The following DST variants were observed in gnomAD, a reference collection of about 807,000 sequenced individuals.
DST encodes dystonin.
DST carries 253 observed loss-of-function variants against 875.2 expected under a neutral mutation model. That is an observed-to-expected ratio of 0.29 (90% CI 0.26 to 0.32). The LOEUF (loss-of-function observed/expected upper bound fraction) is 0.32, where lower values mean the gene tolerates loss of function less well. DST is among the 10% of genes least tolerant of loss of function. The pLI is 1.00. For synonymous variants in DST, 3,124 were observed against 3,197.1 expected (o/e 0.98, Z 0.77); for missense variants, 8,287 against 9,111.6 (o/e 0.91, Z 3.68).
intron 9 of DST, among the ~76,000 whole-genome samples, chr6:56,690,595 TAAGTCC>T (rs1203781423): frequency 3.3e-5 from 5 of 152,284 alleles, no homozygotes; most frequent in Non-Finnish European, 7.4e-5. Context: ...ACTCAAAAGT[TAAGTCC>T]AACCCTACAT....
chr6:56,939,887 G>T (rs1353609168), intron 2 of DST, among the ~76,000 whole-genome samples: 2 of 151,968 alleles, frequency 1.3e-5, no homozygotes, highest in Non-Finnish European at 2.9e-5. Flanking sequence ...TTAGCCAGGT[G>T]TGGTGGCGGG....
Position 56,530,078 on chromosome 6 carries a change from C to G in DST, c.17164G>C (p.Glu5722Gln). The G allele has an allele frequency of 1.2e-6, 2 of 1,612,164 alleles. No homozygotes were observed. Among genetic ancestry groups the G allele is most frequent in the Non-Finnish European group, 1.7e-6 (2 of 1,179,238 alleles). The change falls in exon 65 of 104, where the codon GAA becomes CAA. Residue 5722 changes from glutamate to glutamine, a missense_variant. Physicochemically the swap from Glu to Gln is conservative, Grantham distance 29. Around this residue, in one of 10 missense-constraint regions of DST, gnomAD observed 777 missense variants for 764.8 expected, o/e 1.02. Transcript: ENST00000680361. ...VVAQQFHETL[E>Q]PLNEWLTTIE... ...GTTGTAAGCCACTCGTTCAGTGGTT[C>G]TAAGGTTTCATGAAATTGCTGTGCT...
intron 3 of DST, among the ~76,000 whole-genome samples, chr6:56,894,828 G>A (rs1279892558): frequency 8.6e-5 from 7 of 81,250 alleles, no homozygotes; most frequent in Middle Eastern, 0.015. Flanking sequence ...CCTCCCTCCC[G>A]GATGGGGCGG....
intron 49 of DST, among the ~76,000 whole-genome samples, chr6:56,585,308 C>G (rs1429690017): frequency 2.4e-4 from 37 of 152,118 alleles, no homozygotes; most frequent in Non-Finnish European, 4.6e-4. Flanking sequence ...CAACTTCTTC[C>G]TGGTTTAGTC....
chr6:56,517,681 A>G, intron 69 of DST, 61 bp from the exon 70 acceptor site: 2 of 1,540,844 alleles, frequency 1.3e-6, no homozygotes, highest in East Asian at 4.7e-5. Context: ...GAAAATACCT[A>G]TCTACAGTTC....
chr6:56,458,154 T>A lies in DST; in HGVS notation c.*851A>T, dbSNP rs1257652639. ...AAATCAAAATAAACCCATTTTTAAG[T>A]ATCTTTTGGTCACTCCAAATTGATA... On this transcript the variant is annotated 3_prime_UTR_variant, in exon 104 of 104. Transcript: ENST00000680361. The A allele has an allele frequency of 6.6e-6, 1 of 152,620 alleles. No individual in the cohort carries two copies. The highest frequency in any genetic ancestry group is 1.5e-5 in the Non-Finnish European group (1 of 68,026). 9.5% of individuals were successfully genotyped at this position (152,620 alleles called of 1,614,324 possible).
chr6:56,824,220 G>A (rs2099776685), intron 4 of DST, among the ~76,000 whole-genome samples: 8 of 152,312 alleles, frequency 5.3e-5, no homozygotes, highest in Middle Eastern at 6.8e-3. Flanking sequence ...TTTGTTGGCC[G>A]GGCTGGTCTC....
At chr6:56,858,576 T>C (rs760177626) in intron 3 of DST, among the ~76,000 whole-genome samples, 11 of 152,214 alleles carry the variant, frequency 7.2e-5, no homozygotes, top group Non-Finnish European at 1.6e-4. Context: ...GCCACATTCA[T>C]TCATTCAACT....
At chr6:56,521,557 C>A (rs1583883423) in intron 69 of DST, among the ~76,000 whole-genome samples, 1 of 104,338 alleles carries the variant, frequency 9.6e-6, no homozygotes. Flanking sequence ...AGCTGAAATC[C>A]AAACAATGTT....
At chr6:56,897,824 T>C (rs1792189978) in intron 3 of DST, among the ~76,000 whole-genome samples, 1 of 152,108 alleles carries the variant, frequency 6.6e-6, no homozygotes, top group Non-Finnish European at 1.5e-5. Flanking sequence ...GAGCAGTATA[T>C]TTATTCGCCC....
At chr6:56,602,620 C>T (rs2098456537) in intron 43 of DST, among the ~76,000 whole-genome samples, 4 of 151,784 alleles carry the variant, frequency 2.6e-5, no homozygotes, top group Admixed American at 2.6e-4. Flanking sequence ...ATGTGACTAA[C>T]ACATAAATAA....
chr6:56,521,322 T>C (rs4487579), intron 69 of DST, among the ~76,000 whole-genome samples: 1,641 of 151,940 alleles, frequency 0.011, 28 homozygotes, highest in African/African-American at 0.038. Flanking sequence ...TTAACAGTTA[T>C]AAATTTTTTT....
chr6:56,464,818 A>C, intron 99 of DST, 62 bp from the exon 100 acceptor site: 1 of 1,278,574 alleles, frequency 7.8e-7, no homozygotes, highest in Non-Finnish European at 1.1e-6. Flanking sequence ...AAGAAGAAAC[A>C]AAGTACAGTA....
chr6:56,799,576 ATT>A (rs34768003), intron 4 of DST, among the ~76,000 whole-genome samples: 10 of 144,516 alleles, frequency 6.9e-5, no homozygotes, highest in African/African-American at 1.3e-4. Context: ...GACCTTCAGC[ATT>A]TTTTTTTTTT....
intron 4 of DST, among the ~76,000 whole-genome samples, chr6:56,806,803 T>C (rs2099753499): frequency 6.6e-6 from 1 of 152,160 alleles, no homozygotes; most frequent in Non-Finnish European, 1.5e-5. Context: ...CACTTAACCC[T>C]TAGACAAAAC....
chr6:56,737,985 CTTG>C (rs1273031880), intron 4 of DST, among the ~76,000 whole-genome samples: 13 of 152,254 alleles, frequency 8.5e-5, no homozygotes, highest in Admixed American at 2.6e-4. Flanking sequence ...TCAAATTCAA[CTTG>C]TTGTAAGACT....
intron 4 of DST, among the ~76,000 whole-genome samples, chr6:56,797,818 CAAA>C (rs34649685): frequency 4.9e-5 from 3 of 60,810 alleles, no homozygotes; most frequent in African/African-American, 5.9e-5. Flanking sequence ...AACTCCGTCT[CAAA>C]AAAAAAAAAA....
chr6:56,733,441 C>G (rs1448116946), intron 5 of DST, among the ~76,000 whole-genome samples: 2 of 152,206 alleles, frequency 1.3e-5, no homozygotes, highest in Non-Finnish European at 2.9e-5. Flanking sequence ...CCCTTCTACA[C>G]CATACGCTCT....
intron 3 of DST, among the ~76,000 whole-genome samples, chr6:56,886,992 T>C (rs935604563): frequency 1.3e-5 from 2 of 152,108 alleles, no homozygotes. Context: ...GGAGGTGGTT[T>C]AGAAGAGTAA....
Sources: gnomAD v4.1 joint callset for allele counts (sites outside exome capture counted in the v4.1 genomes callset) on GRCh38, gnomAD v4.1.1 for gene constraint, gnomAD v4.1.1 regional missense constraint, MANE v1.5 for transcripts, NCBI Gene and HGNC (gene_info 2026-07-23, HGNC 2026-07-21) for gene names.